The following AP4S1 variants were observed in gnomAD, a reference collection of about 807,000 sequenced individuals.
AP4S1 encodes the protein adaptor related protein complex 4 subunit sigma 1.
A neutral mutation model predicts 19.8 loss-of-function variants in AP4S1; 23 were observed. The ratio of observed to expected loss-of-function variants is 1.16; its 90% CI spans 0.84 to 1.65. The LOEUF is 1.65. Among genes scored for constraint, AP4S1 ranks in the 40% most tolerant of loss-of-function variants. The pLI, the probability that AP4S1 is intolerant of heterozygous loss-of-function variation, is 0.00. For synonymous variants in AP4S1, 46 were observed against 54.1 expected (o/e 0.85, Z 0.66); for missense variants, 166 against 172.8 (o/e 0.96, Z 0.22).
intron 1 of AP4S1, among the ~76,000 whole-genome samples, chr14:31,033,902 T>C (rs751056547): frequency 2.0e-5 from 3 of 152,090 alleles, no homozygotes; most frequent in Non-Finnish European, 4.4e-5. Context: ...AGAAAAAAAA[T>C]AGGCTGTGAT....
At chr14:31,053,493 A>G (rs780659507) in intron 1 of AP4S1, among the ~76,000 whole-genome samples, 63 of 152,118 alleles carry the variant, frequency 4.1e-4, no homozygotes, top group Non-Finnish European at 8.1e-4. Context: ...GCACTGGATC[A>G]AATGAAGGGA....
chr14:31,026,011 G>A, intron 1 of AP4S1: 1 of 1,548,816 alleles, frequency 6.5e-7, no homozygotes, highest in Non-Finnish European at 8.7e-7. Context: ...TGCTGCGGCC[G>A]GGACAGCTCG....
Position 31,041,616 on chromosome 14 carries a change from A to G in AP4S1, c.-72+15829A>G, listed in dbSNP as rs956883760. 2.0e-5 allele frequency among the ~76,000 whole-genome samples: 3 copies of G among 152,324 alleles called. No homozygotes were observed. In the East Asian group the frequency reaches 5.8e-4, roughly 29 times the overall value. On this transcript the variant is annotated intron_variant, in intron 1 of 5. Transcript: ENST00000542754. ...CACCTCCTGGGAGCATCCCAGGCAC[A>G]ACAATCTCTGGTCCCCACTGCCTTT...
chr14:31,081,994 G>A (rs1887663050), intron 5 of AP4S1, among the ~76,000 whole-genome samples: 1 of 151,986 alleles, frequency 6.6e-6, no homozygotes. Flanking sequence ...ACCACGTCCG[G>A]CCTAATTTAT....
intron 1 of AP4S1, among the ~76,000 whole-genome samples, chr14:31,051,720 G>C (rs1885807283): frequency 6.6e-6 from 1 of 152,150 alleles, no homozygotes; most frequent in African/African-American, 2.4e-5. Flanking sequence ...GAGTGCAGTG[G>C]TGTGATCTCA....
intron 1 of AP4S1, among the ~76,000 whole-genome samples, chr14:31,039,642 G>T (rs1444938676): frequency 1.8e-4 from 27 of 146,538 alleles, no homozygotes; most frequent in African/African-American, 7.0e-4. Flanking sequence ...GCGCGATCTC[G>T]ACTCACTGCA....
intron 1 of AP4S1, chr14:31,026,114 A>G (rs1003187963): frequency 2.0e-5 from 31 of 1,512,334 alleles, no homozygotes; most frequent in Non-Finnish European, 2.6e-5. Context: ...GGTTCCCCCC[A>G]GGTCCCTGCT....
intron 1 of AP4S1, among the ~76,000 whole-genome samples, chr14:31,060,191 T>C (rs922173169): frequency 6.6e-6 from 1 of 151,956 alleles, no homozygotes; most frequent in Non-Finnish European, 1.5e-5. Flanking sequence ...TCCATTTATA[T>C]GCACCTTTTT....
At chr14:31,066,900 T>C (rs1425174402) in intron 2 of AP4S1, among the ~76,000 whole-genome samples, 1 of 152,178 alleles carries the variant, frequency 6.6e-6, no homozygotes, top group Non-Finnish European at 1.5e-5. Context: ...AAAACGGAAA[T>C]TAAGAATTCA....
intron 4 of AP4S1, among the ~76,000 whole-genome samples, chr14:31,080,111 T>C (rs1243279083): frequency 2.0e-5 from 3 of 152,218 alleles, no homozygotes; most frequent in Non-Finnish European, 4.4e-5. Flanking sequence ...TTCCCCTCCT[T>C]GATAGATATT....
intron 1 of AP4S1, among the ~76,000 whole-genome samples, chr14:31,054,786 G>A (rs867283194): frequency 2.0e-5 from 3 of 146,854 alleles, no homozygotes; most frequent in African/African-American, 5.0e-5. Flanking sequence ...GAGGATCACC[G>A]GAGGCTGGGA....
intron 5 of AP4S1, among the ~76,000 whole-genome samples, chr14:31,088,990 C>T (rs1368928499): frequency 1.3e-5 from 2 of 151,742 alleles, no homozygotes; most frequent in Non-Finnish European, 2.9e-5. Flanking sequence ...AGTGAAACCC[C>T]GTTCCTCCAA....
intron 1 of AP4S1, among the ~76,000 whole-genome samples, chr14:31,031,156 C>T (rs539762058): frequency 1.3e-5 from 2 of 152,170 alleles, no homozygotes; most frequent in African/African-American, 4.8e-5. Context: ...CTTGCTTCCC[C>T]TTCTGCCATG....
At chr14:31,077,278 A>G (rs779514912) in intron 4 of AP4S1, among the ~76,000 whole-genome samples, 5 of 152,128 alleles carry the variant, frequency 3.3e-5, no homozygotes, top group Non-Finnish European at 7.4e-5. Context: ...TTCATTTCGC[A>G]TTTAAATAAA....
chr14:31,025,906 GCAGTTCGGCCCGTTCCACCTCC>G, intron 1 of AP4S1, 119 bp downstream of exon 1: 2 of 1,600,542 alleles, frequency 1.2e-6, no homozygotes, highest in Non-Finnish European at 1.7e-6. Flanking sequence ...CGAGGTACCT[GCAGTTCGGCCCGTTCCACCTCC>G]CAGTGCGCCC....
At chr14:31,065,909 C>T (rs1385478317) in intron 1 of AP4S1, among the ~76,000 whole-genome samples, 1 of 152,150 alleles carries the variant, frequency 6.6e-6, no homozygotes, top group Non-Finnish European at 1.5e-5. Flanking sequence ...ATCCACCTGC[C>T]TCGGCCTCCC....
chr14:31,089,260 A>C (rs980525246), intron 5 of AP4S1, among the ~76,000 whole-genome samples: 10 of 152,160 alleles, frequency 6.6e-5, no homozygotes, highest in African/African-American at 2.4e-4. Flanking sequence ...AGCCTTCTAT[A>C]TGGTAGTATT....
At chr14:31,090,276 G>A (rs546736613) in intron 5 of AP4S1, among the ~76,000 whole-genome samples, 3 of 152,242 alleles carry the variant, frequency 2.0e-5, no homozygotes, top group East Asian at 3.9e-4. Context: ...GTGAGCCACC[G>A]TGCCCGGCCT....
At chr14:31,047,569 T>A (rs954394089) in intron 1 of AP4S1, among the ~76,000 whole-genome samples, 1 of 151,476 alleles carries the variant, frequency 6.6e-6, no homozygotes, top group Non-Finnish European at 1.5e-5. Context: ...TTTTTTATGG[T>A]TTTTTTTAGT....
Sources: gnomAD v4.1 joint callset for allele counts (sites outside exome capture counted in the v4.1 genomes callset) on GRCh38, gnomAD v4.1.1 for gene constraint, MANE v1.5 for transcripts, NCBI Gene and HGNC (gene_info 2026-07-23, HGNC 2026-07-21) for gene names.